GRID2: variants seen among roughly 807,000 people sequenced by gnomAD.
The protein encoded by GRID2 is glutamate ionotropic receptor delta type subunit 2.
GRID2 carries 33 observed loss-of-function variants against 114.8 expected under a neutral mutation model. The ratio of observed to expected loss-of-function variants is 0.29; its 90% CI spans 0.22 to 0.38. The LOEUF is 0.38. GRID2 is among the 10% of genes least tolerant of loss of function. GRID2 has a pLI of 1.00. For missense variants in GRID2, 1,184 were observed against 1,257.7 expected (o/e 0.94, Z 0.89); for synonymous variants, 505 against 449.9 (o/e 1.12, Z -1.55).
chr4:92,741,940 C>T (rs1736911939), intron 2 of GRID2, among the ~76,000 whole-genome samples: 1 of 152,050 alleles, frequency 6.6e-6, no homozygotes, highest in Admixed American at 6.6e-5. Context: ...CAAATAAAAA[C>T]CAATAACAAC....
chr4:93,011,745 G>T (rs1287903507), intron 2 of GRID2, among the ~76,000 whole-genome samples: 2 of 152,014 alleles, frequency 1.3e-5, no homozygotes, highest in Non-Finnish European at 2.9e-5. Flanking sequence ...CTTTGAGACT[G>T]GGAGATGGCT....
chr4:92,896,967 C>T (rs1191746030), intron 2 of GRID2, among the ~76,000 whole-genome samples: 2 of 152,054 alleles, frequency 1.3e-5, no homozygotes, highest in African/African-American at 2.4e-5. Context: ...ATCTCGAACT[C>T]CTGACCTCAA....
At chr4:93,164,987 G>A (rs894409307) in intron 4 of GRID2, among the ~76,000 whole-genome samples, 2 of 152,046 alleles carry the variant, frequency 1.3e-5, no homozygotes, top group African/African-American at 4.8e-5. Context: ...TCATATCCTT[G>A]CTTAGCAGGA....
intron 2 of GRID2, among the ~76,000 whole-genome samples, chr4:92,787,704 C>G (rs962260102): frequency 3.3e-5 from 5 of 152,028 alleles, no homozygotes; most frequent in African/African-American, 1.2e-4. Flanking sequence ...TTATTACATT[C>G]TAGAAGAGTC....
At chr4:92,340,065 T>C (rs1373078515) in intron 1 of GRID2, among the ~76,000 whole-genome samples, 3 of 152,114 alleles carry the variant, frequency 2.0e-5, no homozygotes, top group Non-Finnish European at 4.4e-5. Context: ...AAATATCCCT[T>C]TGAAGTATTT....
chr4:93,717,020 G>A (rs17021055), intron 14 of GRID2, among the ~76,000 whole-genome samples: 6,412 of 152,108 alleles, frequency 0.042, 219 homozygotes, highest in African/African-American at 0.085. Context: ...AAGCTTTACA[G>A]AGTGCTTTAT....
chr4:92,431,777 G>A (rs1032572385), intron 1 of GRID2, among the ~76,000 whole-genome samples: 3 of 152,238 alleles, frequency 2.0e-5, no homozygotes, highest in Non-Finnish European at 4.4e-5. Context: ...TTTTACTCTT[G>A]ATGCTCGTGG....
At chr4:93,061,176 A>G (rs886703542) in intron 2 of GRID2, among the ~76,000 whole-genome samples, 11 of 147,184 alleles carry the variant, frequency 7.5e-5, no homozygotes, top group Non-Finnish European at 1.2e-4. Context: ...TTAATTTTAT[A>G]TATTCATCAG....
At chr4:93,240,527 AT>A (rs1747375923) in intron 8 of GRID2, among the ~76,000 whole-genome samples, 1 of 150,380 alleles carries the variant, frequency 6.6e-6, no homozygotes, top group Non-Finnish European at 1.5e-5. Context: ...GTGTTTTATC[AT>A]TTAATTTTTG....
intron 11 of GRID2, among the ~76,000 whole-genome samples, chr4:93,485,548 C>A (rs1417394956): frequency 6.6e-6 from 1 of 151,474 alleles, no homozygotes; most frequent in Non-Finnish European, 1.5e-5. Context: ...GTATTAATTT[C>A]TGTGTATAGT....
At chr4:93,699,996 A>G (rs1435401143) in intron 14 of GRID2, among the ~76,000 whole-genome samples, 1 of 152,188 alleles carries the variant, frequency 6.6e-6, no homozygotes. Flanking sequence ...AAAATGTGTC[A>G]GCCAGAAATG....
intron 4 of GRID2, among the ~76,000 whole-genome samples, chr4:93,192,954 C>T (rs1384155772): frequency 6.6e-6 from 1 of 151,952 alleles, no homozygotes; most frequent in African/African-American, 2.4e-5. Flanking sequence ...ACCAATGTGT[C>T]TACAAAAGAA....
chr4:93,758,885 C>T (rs140576102), intron 14 of GRID2, among the ~76,000 whole-genome samples: 21 of 152,062 alleles, frequency 1.4e-4, no homozygotes, highest in Admixed American at 1.2e-3. Context: ...TCTCCTTTAC[C>T]CTATAACCCA....
chr4:92,374,360 A>C (rs930645910), intron 1 of GRID2, among the ~76,000 whole-genome samples: 1 of 152,006 alleles, frequency 6.6e-6, no homozygotes, highest in Non-Finnish European at 1.5e-5. Context: ...AACCAGAAAA[A>C]ATTTTAAATC....
intron 14 of GRID2, among the ~76,000 whole-genome samples, chr4:93,751,929 AT>A (rs1732354809): frequency 1.3e-5 from 2 of 149,946 alleles, no homozygotes; most frequent in South Asian, 4.2e-4. Context: ...GCATGCTATG[AT>A]TTTGGGGAGG....
intron 2 of GRID2, among the ~76,000 whole-genome samples, chr4:92,962,412 C>T (rs972326131): frequency 2.0e-5 from 3 of 151,690 alleles, no homozygotes. Context: ...CTCTGTTCCC[C>T]CTCCCACCCT....
intron 2 of GRID2, among the ~76,000 whole-genome samples, chr4:92,706,737 T>C (rs1734975934): frequency 6.6e-6 from 1 of 152,184 alleles, no homozygotes; most frequent in African/African-American, 2.4e-5. Context: ...AGACCCAAAT[T>C]CTATCTTACA....
intron 1 of GRID2, among the ~76,000 whole-genome samples, chr4:92,556,642 G>A (rs1726862945): frequency 6.6e-6 from 1 of 152,026 alleles, no homozygotes; most frequent in Non-Finnish European, 1.5e-5. Flanking sequence ...TGTCGACTGG[G>A]GATGTAGTCA....
chr4:92,960,070 T>A (rs1158904360), intron 2 of GRID2, among the ~76,000 whole-genome samples: 1 of 151,972 alleles, frequency 6.6e-6, no homozygotes, highest in Non-Finnish European at 1.5e-5. Context: ...ATTTTGAAAA[T>A]TTTCAGCTAT....
Sources: gnomAD v4.1 joint callset for allele counts (sites outside exome capture counted in the v4.1 genomes callset) on GRCh38, gnomAD v4.1.1 for gene constraint, MANE v1.5 for transcripts, NCBI Gene and HGNC (gene_info 2026-07-23, HGNC 2026-07-21) for gene names.